Variants in CREB3L1 observed in about 807,000 individuals in gnomAD.
CREB3L1 encodes the protein cAMP responsive element binding protein 3 like 1, also known as cyclic AMP-responsive element-binding protein 3-like protein 1.
In CREB3L1, 33 loss-of-function variants were observed where a neutral mutation model predicts 54.5. The ratio of observed to expected loss-of-function variants is 0.61; its 90% CI spans 0.46 to 0.81. CREB3L1 has a LOEUF of 0.81. Among genes scored for constraint, CREB3L1 ranks in the 30% least tolerant of loss-of-function variants. The pLI is 0.00. For synonymous variants in CREB3L1, 284 were observed against 286.4 expected, an observed-to-expected ratio of 0.99 and a Z score of 0.08; for missense variants, 656 against 673.3, an observed-to-expected ratio of 0.97 and a Z score of 0.29.
rs928574776 is a variant in CREB3L1, at chr11:46,320,920, C to T, written c.*174C>T. The T allele has an allele frequency of 2.0e-5, 15 of 744,490 alleles. No individual in the cohort carries two copies. Among genetic ancestry groups the T allele is most frequent in the East Asian group, 8.0e-5 (3 of 37,364 alleles). 46.1% of individuals were successfully genotyped at this position (744,490 alleles called of 1,614,324 possible). On this transcript the variant is annotated 3_prime_UTR_variant, in exon 12 of 12. Transcript: ENST00000621158. Reference sequence around the variant, plus strand: ...TGACATTTGGACTCTTCCCTTGGGCCGACCACTCTGTTCTCATTCTCCTTC... The same window carrying T: ...TGACATTTGGACTCTTCCCTTGGGCTGACCACTCTGTTCTCATTCTCCTTC...
chr11:46,299,291 T>C lies in CREB3L1; in HGVS notation c.103-644T>C, dbSNP rs367676900. Among the ~76,000 whole-genome samples the C allele has an allele frequency of 3.6e-3, 549 of 152,212 alleles. 1 individual carries two copies. Among genetic ancestry groups the C allele is most frequent in the African/African-American group, 0.012 (505 of 41,542 alleles). On this transcript the variant is annotated intron_variant, in intron 1 of 11. Transcript: ENST00000621158. The stretch of plus-strand genomic sequence containing the variant: ...GAGGCCACCATTCGAACCTAAATAG[T>C]AGGGCTCCGGAGCCTAACCTCTCCA...
At chr11:46,284,655 CAAAA>C (rs10715929) in intron 1 of CREB3L1, among the ~76,000 whole-genome samples, 1 of 134,410 alleles carries the variant, frequency 7.4e-6, no homozygotes. Flanking sequence ...ACTCCATCTC[CAAAA>C]AAAAAAAAAA....
intron 9 of CREB3L1, among the ~76,000 whole-genome samples, chr11:46,317,107 C>T (rs1171655157): frequency 1.3e-5 from 2 of 152,230 alleles, no homozygotes; most frequent in Non-Finnish European, 2.9e-5. Flanking sequence ...CCACATTGGC[C>T]ACTTCCCTCT....
intron 1 of CREB3L1, among the ~76,000 whole-genome samples, chr11:46,294,952 G>C (rs930775779): frequency 1.3e-5 from 2 of 152,080 alleles, no homozygotes; most frequent in Non-Finnish European, 2.9e-5. Context: ...CTCTCGGAAG[G>C]AATGTCCGGG....
In CREB3L1 at chr11:46,279,390, G is replaced by T. The variant is rs535693382; in HGVS notation, c.102+1177G>T. On this transcript the variant is annotated intron_variant, in intron 1 of 11. Coordinates refer to ENST00000621158, the MANE Select transcript of CREB3L1 (RefSeq NM_052854.4). ...GAGTCAAGGAGGCATGGGGGCTGAG[G>T]TCTCCCTGTTCTCCATTAAGCAGCA... 3.9e-5 allele frequency among the ~76,000 whole-genome samples: 6 copies of T among 152,254 alleles called. No homozygotes were observed. In the East Asian group the frequency reaches 1.2e-3, roughly 29 times the overall value.
Position 46,321,103 on chromosome 11 carries a change from C to G in CREB3L1, c.*357C>G, listed in dbSNP as rs1417517654. On this transcript the variant is annotated 3_prime_UTR_variant, in exon 12 of 12. Transcript: ENST00000621158. The stretch of plus-strand genomic sequence containing the variant: ...CTCACAGACACCCCTTACCCCACCC[C>G]CACTGTACAGAGACCAAGAACAGAA... 5 of 524,944 alleles carry G rather than the reference C, an allele frequency of 9.5e-6. No individual in the cohort carries two copies. In the East Asian group the frequency reaches 1.6e-4, roughly 17 times the overall value. 32.5% of individuals were successfully genotyped at this position (524,944 alleles called of 1,614,324 possible).
At chr11:46,310,480 G>C (rs1566190501) in intron 4 of CREB3L1, among the ~76,000 whole-genome samples, 1 of 151,938 alleles carries the variant, frequency 6.6e-6, no homozygotes, top group Non-Finnish European at 1.5e-5. Context: ...TATTGGTCAG[G>C]CTGGTCTTGA....
chr11:46,302,415 C>G (rs1327493045), intron 2 of CREB3L1, among the ~76,000 whole-genome samples: 2 of 152,098 alleles, frequency 1.3e-5, no homozygotes, highest in African/African-American at 4.8e-5. Context: ...GCATTCAAGA[C>G]CCACATTGTG....
chr11:46,286,274 T>C (rs761877203), intron 1 of CREB3L1, among the ~76,000 whole-genome samples: 2 of 152,292 alleles, frequency 1.3e-5, no homozygotes, highest in East Asian at 3.9e-4. Flanking sequence ...AAAGGACACT[T>C]CTACACTTCC....
chr11:46,298,755 G>T (rs1489981773), intron 1 of CREB3L1, among the ~76,000 whole-genome samples: 1 of 152,188 alleles, frequency 6.6e-6, no homozygotes, highest in Non-Finnish European at 1.5e-5. Flanking sequence ...ATTCTTTAGA[G>T]AGAGAAAAAT....
At chr11:46,320,553 C>T (rs962685347) in intron 11 of CREB3L1, 25 bp downstream of exon 11, 2 of 1,559,596 alleles carry the variant, frequency 1.3e-6, no homozygotes, top group East Asian at 2.4e-5. Context: ...CCCTTTCCCT[C>T]CTGAGGTCTC....
intron 2 of CREB3L1, among the ~76,000 whole-genome samples, chr11:46,304,433 T>C (rs1939348375): frequency 6.6e-6 from 1 of 152,052 alleles, no homozygotes; most frequent in African/African-American, 2.4e-5. Context: ...ATCGCACCAT[T>C]GCACTCTAGC....
chr11:46,300,055 C>A lies in CREB3L1; in HGVS notation c.223C>A (p.Leu75Met). 1.2e-6 allele frequency: 2 copies of A among 1,613,960 alleles called. No individual in the cohort carries two copies. The highest frequency in any genetic ancestry group is 1.7e-6 in the Non-Finnish European group (2 of 1,179,876). Residue 75 changes from leucine (L) to methionine (M), a missense_variant, in exon 2 of 12, where the codon CTG becomes ATG. By Grantham distance (15) the Leu-to-Met change is conservative. This residue lies in a region of CREB3L1 where 339 missense variants were observed against 331.5 expected (regional missense o/e 1.02). Coordinates refer to ENST00000621158, the MANE Select transcript of CREB3L1 (RefSeq NM_052854.4). ...GAAGAGCCCTCTATTGGACATGGAACTGGACTCCCCTACGCCAGGCATCCA... is the reference window on the plus strand; with the variant it reads ...GAAGAGCCCTCTATTGGACATGGAAATGGACTCCCCTACGCCAGGCATCCA... The part of the protein sequence containing the change: ...DEKSPLLDME[L>M]DSPTPGIQAE...
At chr11:46,306,838 C>A (rs1360905666) in intron 2 of CREB3L1, among the ~76,000 whole-genome samples, 2 of 149,664 alleles carry the variant, frequency 1.3e-5, no homozygotes, top group Non-Finnish European at 3.0e-5. Flanking sequence ...GTAGCACAAT[C>A]TTGGCTCACT....
chr11:46,307,812 CT>C lies in CREB3L1; in HGVS notation c.332-3del. On this transcript the variant is annotated splice_polypyrimidine_tract_variant and splice_region_variant and intron_variant, in intron 2 of 11. Transcript: ENST00000621158. ...AGTCCCCTGAGCCTTTCCCCTTCCC[CT>C]AGATGCAGAGCATGGAGCATGGGCG... 6.4e-7 allele frequency: 1 copy of C among 1,557,656 alleles called. No homozygotes were observed. Among genetic ancestry groups the C allele is most frequent in the Non-Finnish European group, 8.7e-7 (1 of 1,151,190 alleles).
intron 2 of CREB3L1, among the ~76,000 whole-genome samples, chr11:46,301,486 A>C (rs1399623806): frequency 1.3e-5 from 2 of 151,798 alleles, no homozygotes; most frequent in African/African-American, 4.8e-5. Context: ...AAAATACAAC[A>C]ATTAGCCCAG....
At chr11:46,315,210 T>C in intron 8 of CREB3L1, 1 of 304,550 alleles carries the variant, frequency 3.3e-6, no homozygotes, top group Non-Finnish European at 6.7e-6. Context: ...GTTCCCTGAT[T>C]GGCCTGGAGA....
chr11:46,285,765 G>T (rs568652904), intron 1 of CREB3L1, among the ~76,000 whole-genome samples: 1 of 152,312 alleles, frequency 6.6e-6, no homozygotes, highest in South Asian at 2.1e-4. Context: ...ACACATCTGG[G>T]CTGGGATGTG....
chr11:46,280,213 A>G (rs1242042905), intron 1 of CREB3L1, among the ~76,000 whole-genome samples: 1 of 137,054 alleles, frequency 7.3e-6, no homozygotes, highest in African/African-American at 2.8e-5. Flanking sequence ...TTTCAGACGG[A>G]GTCTTGCTCT....
Sources: gnomAD v4.1 joint callset for allele counts (sites outside exome capture counted in the v4.1 genomes callset) on GRCh38, gnomAD v4.1.1 for gene constraint, gnomAD v4.1.1 regional missense constraint, MANE v1.5 for transcripts, NCBI Gene and HGNC (gene_info 2026-07-23, HGNC 2026-07-21) for gene names.